Variants in PTPRD observed in about 807,000 individuals in gnomAD.
PTPRD encodes the protein receptor-type tyrosine-protein phosphatase delta.
PTPRD carries 34 observed loss-of-function variants against 214.5 expected under a neutral mutation model. That is an observed-to-expected ratio of 0.16 (90% confidence interval 0.12 to 0.21). The LOEUF (loss-of-function observed/expected upper bound fraction) is 0.21. Ranked by LOEUF, PTPRD falls within the 10% of genes least tolerant of loss-of-function variation. The pLI is 1.00. For synonymous variants in PTPRD, 1,128 were observed against 845.7 expected (o/e 1.33, Z -5.79); for missense variants, 2,545 against 2,398.7 (o/e 1.06, Z -1.27).
intron 11 of PTPRD, among the ~76,000 whole-genome samples, chr9:8,771,575 C>T (rs1200656149): frequency 6.6e-6 from 1 of 152,068 alleles, no homozygotes. Context: ...TGTAAATTTT[C>T]TCTTTGGTTT....
At chr9:10,556,524 C>T (rs1442364992) in intron 2 of PTPRD, among the ~76,000 whole-genome samples, 2 of 151,978 alleles carry the variant, frequency 1.3e-5, no homozygotes, top group African/African-American at 4.8e-5. Context: ...CGTGGTGATA[C>T]AACGTAATTA....
intron 5 of PTPRD, among the ~76,000 whole-genome samples, chr9:9,913,237 A>T (rs1325121902): frequency 6.6e-6 from 1 of 152,220 alleles, no homozygotes; most frequent in Non-Finnish European, 1.5e-5. Context: ...CTACAGAGCA[A>T]CACTGAATAT....
At chr9:9,238,119 C>T (rs2099968131) in intron 9 of PTPRD, among the ~76,000 whole-genome samples, 1 of 152,080 alleles carries the variant, frequency 6.6e-6, no homozygotes, top group Non-Finnish European at 1.5e-5. Context: ...TCCTGTGACA[C>T]TAAAACCTCT....
intron 10 of PTPRD, among the ~76,000 whole-genome samples, chr9:9,057,190 A>G (rs995077993): frequency 1.2e-4 from 18 of 152,196 alleles, no homozygotes; most frequent in African/African-American, 3.6e-4. Flanking sequence ...ATTATTTTTC[A>G]CTCAGTAAAT....
chr9:9,565,419 T>C (rs1017926911), intron 8 of PTPRD, among the ~76,000 whole-genome samples: 4 of 152,026 alleles, frequency 2.6e-5, no homozygotes, highest in Admixed American at 1.3e-4. Flanking sequence ...GTAATCTAAA[T>C]GCAAATCTAA....
At chr9:10,089,976 A>G (rs144444421) in intron 3 of PTPRD, among the ~76,000 whole-genome samples, 196 of 151,740 alleles carry the variant, frequency 1.3e-3, no homozygotes, top group African/African-American at 4.6e-3. Context: ...ATTTAGATCT[A>G]TTTTTCATAA....
intron 33 of PTPRD, among the ~76,000 whole-genome samples, chr9:8,455,423 G>T (rs1286837203): frequency 6.6e-6 from 1 of 152,102 alleles, no homozygotes; most frequent in Non-Finnish European, 1.5e-5. Flanking sequence ...TATTATTTCT[G>T]CAGAGTATAA....
rs139121953 is a variant in PTPRD at position 10,114,423 on chromosome 9, G to A, written c.-544-80633C>T. Among the ~76,000 whole-genome samples the A allele has an allele frequency of 3.2e-3, 488 of 152,152 alleles. 1 individual carries two copies. The highest frequency in any genetic ancestry group is 5.7e-3 in the Admixed American group (87 of 15,274). Reference sequence around the variant, plus strand: ...CAAAATCACTACATTCACTCTGTCCGCTTACTAGCTAGACAGGACCAATAC... The same window carrying A: ...CAAAATCACTACATTCACTCTGTCCACTTACTAGCTAGACAGGACCAATAC... On this transcript the variant is annotated intron_variant, in intron 3 of 45. Transcript: ENST00000381196.
At chr9:9,799,500 C>G (rs1347070158) in intron 5 of PTPRD, 1 of 152,146 alleles carries the variant, frequency 6.6e-6, no homozygotes, top group Non-Finnish European at 1.5e-5. Flanking sequence ...AATCAGTAAG[C>G]CTTGCTTTTG....
chr9:9,541,119 C>T (rs948286854), intron 8 of PTPRD, among the ~76,000 whole-genome samples: 6 of 151,782 alleles, frequency 4.0e-5, no homozygotes, highest in South Asian at 2.1e-4. Flanking sequence ...CAAGAAATAA[C>T]GAAAAAATTA....
chr9:9,104,077 A>G (rs2099795110), intron 10 of PTPRD, among the ~76,000 whole-genome samples: 1 of 152,190 alleles, frequency 6.6e-6, no homozygotes, highest in African/African-American at 2.4e-5. Context: ...CCATTATCAA[A>G]AAGGACCATC....
chr9:9,243,728 A>G (rs890688986), intron 9 of PTPRD, among the ~76,000 whole-genome samples: 3 of 152,192 alleles, frequency 2.0e-5, no homozygotes, highest in Non-Finnish European at 4.4e-5. Context: ...GAAAACTGGC[A>G]CAAGACAGGG....
intron 11 of PTPRD, among the ~76,000 whole-genome samples, chr9:8,805,984 G>A (rs1233280820): frequency 7.7e-6 from 1 of 129,622 alleles, no homozygotes; most frequent in Non-Finnish European, 1.6e-5. Context: ...TACAGAACGA[G>A]ACTCCGTCTC....
intron 11 of PTPRD, among the ~76,000 whole-genome samples, chr9:8,870,606 G>A (rs1269469028): frequency 6.6e-6 from 1 of 151,760 alleles, no homozygotes; most frequent in East Asian, 1.9e-4. Flanking sequence ...AAATTTGTCT[G>A]TCAAAAGACG....
chr9:8,839,186 G>A (rs1334994058), intron 11 of PTPRD, among the ~76,000 whole-genome samples: 2 of 151,932 alleles, frequency 1.3e-5, no homozygotes, highest in East Asian at 3.8e-4. Flanking sequence ...AAACATAAGG[G>A]AAAAATTATC....
At chr9:9,785,396 G>C (rs909309030) in intron 5 of PTPRD, among the ~76,000 whole-genome samples, 5 of 151,960 alleles carry the variant, frequency 3.3e-5, no homozygotes, top group African/African-American at 1.2e-4. Flanking sequence ...CTTTCTCATA[G>C]ACAAAGTATA....
intron 30 of PTPRD, among the ~76,000 whole-genome samples, chr9:8,474,701 C>A (rs1009523369): frequency 6.6e-6 from 1 of 152,140 alleles, no homozygotes; most frequent in East Asian, 1.9e-4. Flanking sequence ...GACGTTCAAA[C>A]CACCCCACTA....
At chr9:9,821,469 T>A (rs1199706927) in intron 5 of PTPRD, among the ~76,000 whole-genome samples, 1 of 152,160 alleles carries the variant, frequency 6.6e-6, no homozygotes, top group African/African-American at 2.4e-5. Flanking sequence ...AAAACTTACC[T>A]GAATATTCCC....
rs556772685 is a variant in PTPRD at position 8,333,117 on chromosome 9, G to A, written c.5380-1381C>T. Among the ~76,000 whole-genome samples, 20 of 152,280 alleles carry A rather than the reference G, an allele frequency of 1.3e-4. No individual in the cohort carries two copies. In the South Asian group the frequency reaches 3.7e-3, roughly 28 times the overall value. ...TGGGGATGGAGATAAACAGGAAGAT[G>A]ACACCAAGTGTGTGGGAATACTGAG... On this transcript the variant is annotated intron_variant, in intron 43 of 45. Transcript: ENST00000381196.
Sources: gnomAD v4.1 joint callset for allele counts (sites outside exome capture counted in the v4.1 genomes callset) on GRCh38, gnomAD v4.1.1 for gene constraint, MANE v1.5 for transcripts, NCBI Gene and HGNC (gene_info 2026-07-23, HGNC 2026-07-21) for gene names.